DEGS1: variants seen among roughly 807,000 people sequenced by gnomAD.
DEGS1 encodes the protein delta 4-desaturase, sphingolipid 1.
DEGS1 carries 17 observed loss-of-function variants against 24.1 expected under a neutral mutation model. The observed-to-expected ratio is 0.70, with a 90% confidence interval of 0.48 to 1.06. DEGS1 has a LOEUF of 1.06. Among genes scored for constraint, DEGS1 ranks in the 50% least tolerant of loss-of-function variants. The probability of loss-of-function intolerance (pLI) is 0.00; values close to 1 mark genes in which losing one functional copy is unlikely to be tolerated. For missense variants in DEGS1, 366 were observed against 408.9 expected (o/e 0.90, Z 0.91); for synonymous variants, 134 against 140.0 (o/e 0.96, Z 0.30).
chr1:224,189,628 G>C lies in DEGS1; in HGVS notation c.134G>C (p.Trp45Ser). 1 of 1,613,198 alleles carries C rather than the reference G, an allele frequency of 6.2e-7. No homozygotes were observed. The highest frequency in any genetic ancestry group is 1.1e-5 in the South Asian group (1 of 90,862). ...ATGAAACCTGATCCCAATTTGATATGGATTATAATTATGATGGTTCTCACC... is the reference window on the plus strand; with the variant it reads ...ATGAAACCTGATCCCAATTTGATATCGATTATAATTATGATGGTTCTCACC... ...SLMKPDPNLI[W>S]IIIMMVLTQL... Residue 45 changes from tryptophan (W) to serine (S), a missense_variant, in exon 2 of 3, where the codon TGG (tryptophan) becomes TCG (serine). Coordinates refer to ENST00000323699, the MANE Select transcript of DEGS1 (RefSeq NM_003676.4).
At chr1:224,191,191 CA>C (rs1243016729) in intron 2 of DEGS1, 1 of 152,038 alleles carries the variant, frequency 6.6e-6, no homozygotes, top group East Asian at 1.9e-4. Context: ...AGTTCGAGAC[CA>C]GCCTGGCCAA....
chr1:224,187,074 G>A (rs1427501773), intron 1 of DEGS1, among the ~76,000 whole-genome samples: 2 of 152,122 alleles, frequency 1.3e-5, no homozygotes, highest in Non-Finnish European at 2.9e-5. Flanking sequence ...TTGGGTGGCT[G>A]AGGTGGACAG....
Position 224,190,017 on chromosome 1 carries a change from C to G in DEGS1, c.523C>G (p.Leu175Val). 1.9e-6 allele frequency: 3 copies of G among 1,614,208 alleles called. No homozygotes were observed. The highest frequency in any genetic ancestry group is 4.5e-5 in the East Asian group (2 of 44,890). ...LQPLFYAFRP[L>V]FINPKPITYL... ...GCCTCTCTTTTATGCCTTTCGACCT[C>G]TGTTCATCAACCCCAAACCAATTAC... Residue 175 changes from leucine to valine, a missense_variant, in exon 2 of 3, where the codon CTG (leucine) becomes GTG (valine). By Grantham distance (32) the Leu-to-Val change is conservative. Coordinates refer to ENST00000323699, the MANE Select transcript of DEGS1 (RefSeq NM_003676.4).
chr1:224,184,357 C>T (rs1356302278), intron 1 of DEGS1, among the ~76,000 whole-genome samples: 2 of 152,136 alleles, frequency 1.3e-5, no homozygotes, highest in Non-Finnish European at 2.9e-5. Flanking sequence ...GGTAATTCTA[C>T]TTGGTTGGTA....
At chr1:224,191,336 G>A (rs1658530213) in intron 2 of DEGS1, among the ~76,000 whole-genome samples, 1 of 151,098 alleles carries the variant, frequency 6.6e-6, no homozygotes, top group South Asian at 2.1e-4. Context: ...GTTGCAGTGA[G>A]CCGAGATTGT....
At chr1:224,186,712 CAAAAAA>C (rs34809195) in intron 1 of DEGS1, among the ~76,000 whole-genome samples, 7 of 79,866 alleles carry the variant, frequency 8.8e-5, no homozygotes, top group South Asian at 8.6e-4. Flanking sequence ...GCCTCCGTCT[CAAAAAA>C]AAAAAAAAAA....
At chr1:224,191,460 GAT>G (rs1410760459) in intron 2 of DEGS1, among the ~76,000 whole-genome samples, 3 of 151,814 alleles carry the variant, frequency 2.0e-5, no homozygotes, top group Admixed American at 6.6e-5. Context: ...GGGCTCAAGT[GAT>G]TCTCTTGCCT....
At chr1:224,190,387 T>TCAAAAAA in intron 2 of DEGS1, 68 bp downstream of exon 2, 1 of 1,386,662 alleles carries the variant, frequency 7.2e-7, no homozygotes, top group Non-Finnish European at 9.5e-7. Context: ...AGACGGTGTC[T>TCAAAAAA]CACTCAGTCG....
chr1:224,189,008 C>T (rs1248648179), intron 1 of DEGS1, among the ~76,000 whole-genome samples: 1 of 152,136 alleles, frequency 6.6e-6, no homozygotes, highest in Non-Finnish European at 1.5e-5. Flanking sequence ...GGGTCTGAAT[C>T]CATTCTTTTG....
intron 1 of DEGS1, among the ~76,000 whole-genome samples, chr1:224,184,759 G>A (rs1431416580): frequency 6.6e-6 from 1 of 152,032 alleles, no homozygotes; most frequent in African/African-American, 2.4e-5. Flanking sequence ...CAGGTGATCC[G>A]CCCGCCTTGG....
chr1:224,190,243 A>G lies in DEGS1; in HGVS notation c.749A>G (p.Asn250Ser). 2.0e-6 allele frequency: 3 copies of G among 1,515,556 alleles called. No individual in the cohort carries two copies. The highest frequency in any genetic ancestry group is 2.6e-6 in the Non-Finnish European group (3 of 1,135,192). The allele number at this position is 1,515,556 out of a possible 1,614,324, so 93.9% of individuals were successfully genotyped here. The change falls in exon 2 of 3, where the codon AAT becomes AGT. Residue 250 changes from asparagine to serine, a missense_variant. By Grantham distance (46) the Asn-to-Ser change is conservative (BLOSUM62 1). Transcript: ENST00000323699. ...ACTTACTCATATTATGGGCCTCTGA[A>G]TTTACTTACCTTCAATGTGGGTTAT... ...HETYSYYGPL[N>S]LLTFNVGYHN...
intron 1 of DEGS1, among the ~76,000 whole-genome samples, chr1:224,185,957 T>C (rs757585553): frequency 1.3e-5 from 2 of 152,000 alleles, no homozygotes; most frequent in Non-Finnish European, 2.9e-5. Context: ...TCCGAGCACT[T>C]TGAGAAGCTG....
chr1:224,189,740 C>T lies in DEGS1; in HGVS notation c.246C>T (p.His82=), dbSNP rs1010149854. The change falls in exon 2 of 3, where the codon CAC becomes CAT. Residue 82 remains histidine (H), a synonymous_variant. Coordinates refer to ENST00000323699, the MANE Select transcript of DEGS1 (RefSeq NM_003676.4). ...ATGCGTTTGGCAGTTGCATTAACCA[C>T]TCAATGACTCTGGCTATTCATGAGA... ...GAYAFGSCIN[H]SMTLAIHEIA... The T allele has an allele frequency of 2.5e-6, 4 of 1,614,078 alleles. No individual in the cohort carries two copies. Among genetic ancestry groups the T allele is most frequent in the African/African-American group, 2.7e-5 (2 of 74,924 alleles).
In DEGS1 at chr1:224,192,290, G is replaced by A. The variant is rs191174478; in HGVS notation, c.826-42G>A. On this transcript the variant is annotated intron_variant, in intron 2 of 2. Coordinates refer to ENST00000323699, the MANE Select transcript of DEGS1 (RefSeq NM_003676.4). ...CATCAGTCATCTTTGAAAGAACCTA[G>A]TAACACTCATTTTTCATCTTGCTGT... 19 of 1,585,874 alleles carry A rather than the reference G, an allele frequency of 1.2e-5. No individual in the cohort carries two copies. The East Asian group carries it at 4.1e-4, about 34-fold the overall frequency.
At chr1:224,192,223 C>A in intron 2 of DEGS1, 109 bp from the exon 3 acceptor site, 4 of 832,780 alleles carry the variant, frequency 4.8e-6, no homozygotes, top group Non-Finnish European at 7.1e-6. Flanking sequence ...AGGAGGGAGG[C>A]AGGTCTCATG....
chr1:224,192,650 CTG>C lies in DEGS1; in HGVS notation c.*174_*175del, dbSNP rs1572045408. Reference sequence around the variant, plus strand: ...TGGCTTTTAAACAGTCAGCCTGACTCTGTACTGCTCAGTTTCACTCACAGGAA... The same window carrying C: ...TGGCTTTTAAACAGTCAGCCTGACTCTACTGCTCAGTTTCACTCACAGGAA... On this transcript the variant is annotated 3_prime_UTR_variant, in exon 3 of 3. Transcript: ENST00000323699. 1 of 583,434 alleles carries C rather than the reference CTG, an allele frequency of 1.7e-6. No individual in the cohort carries two copies. 36.1% of individuals were successfully genotyped at this position (583,434 alleles called of 1,614,324 possible). A position where few individuals can be genotyped will look rare whatever the true frequency, so the allele number is the denominator to read the frequency against.
chr1:224,186,429 C>T (rs1302343892), intron 1 of DEGS1, among the ~76,000 whole-genome samples: 2 of 152,190 alleles, frequency 1.3e-5, no homozygotes, highest in African/African-American at 4.8e-5. Flanking sequence ...CCACATATTT[C>T]TTGGCCGGGC....
chr1:224,183,269 G>A lies in DEGS1; in HGVS notation c.-68G>A. Reference sequence around the variant, plus strand: ...CACCAGCCGGGGAGCCGCCGCCGCCGCCGCCACCTCTGAGCAGCCGGCTGG... The same window carrying A: ...CACCAGCCGGGGAGCCGCCGCCGCCACCGCCACCTCTGAGCAGCCGGCTGG... On this transcript the variant is annotated 5_prime_UTR_variant, in exon 1 of 3. Coordinates refer to ENST00000323699, the MANE Select transcript of DEGS1 (RefSeq NM_003676.4). 2.2e-6 allele frequency: 3 copies of A among 1,384,394 alleles called. No homozygotes were observed. Among genetic ancestry groups the A allele is most frequent in the Admixed American group, 2.9e-5 (1 of 34,452 alleles). The allele number at this position is 1,384,394 out of a possible 1,614,324, so 85.8% of individuals were successfully genotyped here.
rs1658503015 is a variant in DEGS1 at position 224,190,225 on chromosome 1, CAT to C, written c.734_735del (p.Tyr245LeufsTer15). On this transcript the variant is annotated frameshift_variant, in exon 2 of 3. Coordinates refer to ENST00000323699, the MANE Select transcript of DEGS1 (RefSeq NM_003676.4). LOFTEE classifies it high-confidence loss of function. ...TTCTTAAAGGGTCATGAAACTTACT[CAT>C]ATTATGGGCCTCTGAATTTACTTAC... 6.6e-7 allele frequency: 1 copy of C among 1,524,538 alleles called. No homozygotes were observed. Among genetic ancestry groups the C allele is most frequent in the Non-Finnish European group, 8.8e-7 (1 of 1,139,704 alleles). 94.4% of individuals were successfully genotyped at this position (1,524,538 alleles called of 1,614,324 possible).
Sources: gnomAD v4.1 joint callset for allele counts (sites outside exome capture counted in the v4.1 genomes callset) on GRCh38, gnomAD v4.1.1 for gene constraint, MANE v1.5 for transcripts, NCBI Gene and HGNC (gene_info 2026-07-23, HGNC 2026-07-21) for gene names.